Variants in RBMS3 observed in about 807,000 individuals in gnomAD.
The protein encoded by RBMS3 is RNA binding motif single stranded interacting protein 3.
RBMS3 carries 27 observed loss-of-function variants against 66.8 expected under a neutral mutation model. The ratio of observed to expected loss-of-function variants is 0.40; its 90% confidence interval spans 0.30 to 0.56. RBMS3 has a LOEUF of 0.56. Ranked by LOEUF, RBMS3 falls within the 20% of genes least tolerant of loss-of-function variation. The pLI is 0.40. For synonymous variants in RBMS3, 188 were observed against 183.0 expected, an observed-to-expected ratio of 1.03 and a Z score of -0.22; for missense variants, 513 against 549.5, an observed-to-expected ratio of 0.93 and a Z score of 0.66.
intron 6 of RBMS3, among the ~76,000 whole-genome samples, chr3:29,768,948 G>T (rs959617099): frequency 4.0e-5 from 6 of 151,848 alleles, no homozygotes; most frequent in African/African-American, 1.5e-4. Context: ...TTCAAGTTGG[G>T]GGTTCTAGAA....
At chr3:29,394,850 G>A (rs1435800260) in intron 1 of RBMS3, among the ~76,000 whole-genome samples, 3 of 152,198 alleles carry the variant, frequency 2.0e-5, no homozygotes, top group Admixed American at 6.5e-5. Context: ...CCTCTTTGCC[G>A]GACCTCAGAT....
intron 12 of RBMS3, among the ~76,000 whole-genome samples, chr3:29,982,892 G>A (rs1339254574): frequency 6.6e-6 from 1 of 152,156 alleles, no homozygotes; most frequent in East Asian, 1.9e-4. Flanking sequence ...TGTTGATTTG[G>A]TGTGGAGAGT....
At chr3:29,643,605 AAC>A (rs2049807018) in intron 4 of RBMS3, among the ~76,000 whole-genome samples, 1 of 152,114 alleles carries the variant, frequency 6.6e-6, no homozygotes, top group Non-Finnish European at 1.5e-5. Flanking sequence ...TAAGGAGCGT[AAC>A]ACAGTCTGCA....
chr3:29,535,376 C>T lies in RBMS3; in HGVS notation c.307+46877C>T, dbSNP rs1334642995. Among the ~76,000 whole-genome samples, 3 of 152,084 alleles carry T rather than the reference C, an allele frequency of 2.0e-5. No homozygotes were observed. The East Asian group carries it at 5.8e-4, about 29-fold the overall frequency. On this transcript the variant is annotated intron_variant, in intron 3 of 14. Transcript: ENST00000383767. ...ATTGGCTGGATTGTAAAATCATTTC[C>T]CATTAAAAGTTTTTCATTATATGTT...
intron 4 of RBMS3, among the ~76,000 whole-genome samples, chr3:29,630,260 G>A (rs985127258): frequency 4.6e-5 from 7 of 151,880 alleles, no homozygotes; most frequent in South Asian, 2.1e-4. Flanking sequence ...TAATTCTGTC[G>A]TACAGCATAG....
chr3:29,876,988 G>A (rs2059624166), intron 7 of RBMS3, among the ~76,000 whole-genome samples: 1 of 152,274 alleles, frequency 6.6e-6, no homozygotes, highest in East Asian at 1.9e-4. Context: ...TAACACAATG[G>A]TGTGACTGAT....
intron 1 of RBMS3, among the ~76,000 whole-genome samples, chr3:29,336,582 G>A (rs946521833): frequency 3.9e-5 from 6 of 152,100 alleles, no homozygotes; most frequent in Admixed American, 2.6e-4. Context: ...GCCCCTGTAA[G>A]AACAGTATCA....
intron 4 of RBMS3, among the ~76,000 whole-genome samples, chr3:29,588,469 C>G (rs895819784): frequency 6.6e-6 from 1 of 152,074 alleles, no homozygotes; most frequent in Non-Finnish European, 1.5e-5. Context: ...ATTTTGACCT[C>G]AAATAACTAG....
chr3:29,621,255 A>G (rs1044269052), intron 4 of RBMS3, among the ~76,000 whole-genome samples: 1 of 151,852 alleles, frequency 6.6e-6, no homozygotes, highest in African/African-American at 2.4e-5. Context: ...TGCAACTGAT[A>G]TAATACATAA....
intron 3 of RBMS3, among the ~76,000 whole-genome samples, chr3:29,492,441 C>T (rs73828678): frequency 0.041 from 6,193 of 151,970 alleles, 196 homozygotes; most frequent in Admixed American, 0.096. Flanking sequence ...CTGATAAGAA[C>T]GAGTATTGAA....
chr3:29,335,521 T>C (rs1331380918), intron 1 of RBMS3, among the ~76,000 whole-genome samples: 1 of 152,228 alleles, frequency 6.6e-6, no homozygotes, highest in African/African-American at 2.4e-5. Flanking sequence ...TACAAATACA[T>C]ACACAGCAAA....
In RBMS3 at chr3:29,578,964, G is replaced by C. The variant is rs183604925; in HGVS notation, c.308-8150G>C. On this transcript the variant is annotated intron_variant, in intron 3 of 14. Coordinates refer to ENST00000383767, the MANE Select transcript of RBMS3 (RefSeq NM_001003793.3). The stretch of plus-strand genomic sequence containing the variant: ...CTACAGGCGCCCGCCACCGCGCCCG[G>C]CTAATTTTTTGTATTTTTAGTAGAG... Among the ~76,000 whole-genome samples the C allele has an allele frequency of 8.4e-4, 121 of 144,550 alleles. 4 individuals are homozygous for C. The highest frequency in any genetic ancestry group is 3.1e-3 in the African/African-American group (119 of 38,022). 94.8% of individuals were successfully genotyped at this position (144,550 alleles called of 152,430 possible). A position where few individuals can be genotyped will look rare whatever the true frequency, so the allele number is the denominator to read the frequency against.
At chr3:29,325,553 T>TATGTGTGTATGTATATATATAC (rs1269559209) in intron 1 of RBMS3, among the ~76,000 whole-genome samples, 5 of 151,906 alleles carry the variant, frequency 3.3e-5, no homozygotes, top group East Asian at 3.9e-4. Context: ...TGTGTGTATA[T>TATGTGTGTATGTATATATATAC]ATGTGTGTAT....
intron 1 of RBMS3, among the ~76,000 whole-genome samples, chr3:29,305,598 C>T (rs1044244500): frequency 4.0e-5 from 6 of 151,896 alleles, no homozygotes; most frequent in Admixed American, 2.0e-4. Context: ...TGACCAGCCT[C>T]ACCCACACAC....
intron 1 of RBMS3, among the ~76,000 whole-genome samples, chr3:29,413,241 G>A (rs908533563): frequency 7.9e-5 from 12 of 152,106 alleles, no homozygotes; most frequent in African/African-American, 2.9e-4. Context: ...GTGGTGGTGT[G>A]CACCTGTAAT....
At chr3:29,732,982 G>A (rs942335678) in intron 4 of RBMS3, among the ~76,000 whole-genome samples, 6 of 151,750 alleles carry the variant, frequency 4.0e-5, no homozygotes, top group Non-Finnish European at 7.4e-5. Flanking sequence ...TTTCTCATTT[G>A]TATTTTTTGG....
chr3:29,380,898 A>G (rs1183909004), intron 1 of RBMS3, among the ~76,000 whole-genome samples: 1 of 152,194 alleles, frequency 6.6e-6, no homozygotes, highest in Middle Eastern at 3.2e-3. Context: ...GTAGGAACAC[A>G]TTTCCATTCA....
intron 4 of RBMS3, among the ~76,000 whole-genome samples, chr3:29,593,669 A>AT (rs1398034279): frequency 6.6e-6 from 1 of 151,796 alleles, no homozygotes; most frequent in African/African-American, 2.4e-5. Flanking sequence ...TTTGTATCCC[A>AT]TTTTTCCCCC....
At chr3:29,994,238 G>A (rs950919169) in intron 14 of RBMS3, among the ~76,000 whole-genome samples, 23 of 152,288 alleles carry the variant, frequency 1.5e-4, no homozygotes, top group Non-Finnish European at 2.1e-4. Flanking sequence ...AAAAAATGGC[G>A]CACCACAAGA....
Sources: gnomAD v4.1 joint callset for allele counts (sites outside exome capture counted in the v4.1 genomes callset) on GRCh38, gnomAD v4.1.1 for gene constraint, MANE v1.5 for transcripts, NCBI Gene and HGNC (gene_info 2026-07-23, HGNC 2026-07-21) for gene names.